The following RPL7 variants were observed in gnomAD, a reference collection of about 807,000 sequenced individuals.
RPL7 encodes the protein large ribosomal subunit protein uL30.
For missense variants in RPL7, 205 were observed against 301.9 expected (o/e 0.68, Z 2.38); for synonymous variants, 100 against 102.2 (o/e 0.98, Z 0.13).
At chr8:73,292,469 T>C in intron 2 of RPL7, 64 bp from the exon 3 acceptor site, 2 of 1,432,264 alleles carry the variant, frequency 1.4e-6, no homozygotes, top group Non-Finnish European at 1.9e-6. Context: ...TGCCAATCAT[T>C]AAAAAGAAAA....
rs768798846 is a variant in RPL7, at chr8:73,292,787, T to C, written c.25A>G (p.Lys9Glu). 2.1e-5 allele frequency: 34 copies of C among 1,596,844 alleles called. No individual in the cohort carries two copies. The highest frequency in any genetic ancestry group is 1.7e-4 in the Middle Eastern group (1 of 6,036). Reference sequence around the variant, plus strand: ...GTTTCTGGCACAGCAGGAACCTCCTTCTTCTTCTCTCTAACGTTAATAAAC... The same window carrying C: ...GTTTCTGGCACAGCAGGAACCTCCTCCTTCTTCTCTCTAACGTTAATAAAC... MEGVEEKK[K>E]EVPAVPETLK... The change falls in exon 2 of 7, where the codon AAG (lysine) becomes GAG (glutamate). Residue 9 changes from lysine to glutamate, a missense_variant. Transcript: ENST00000352983.
intron 1 of RPL7, chr8:73,293,268 G>A (rs947446336): frequency 2.8e-6 from 1 of 363,298 alleles, no homozygotes; most frequent in South Asian, 3.2e-5. Context: ...AGGGAGGCCT[G>A]TACCAAGCAC....
In RPL7 at chr8:73,290,403, GAAT is replaced by G. The variant is rs1393192311; in HGVS notation, c.*301_*303del. The G allele has an allele frequency of 6.6e-6, 1 of 152,104 alleles. No individual in the cohort carries two copies. The highest frequency in any genetic ancestry group is 1.5e-5 in the Non-Finnish European group (1 of 68,012). 9.4% of individuals were successfully genotyped at this position (152,104 alleles called of 1,614,324 possible). On this transcript the variant is annotated 3_prime_UTR_variant, in exon 7 of 7. Coordinates refer to ENST00000352983, the MANE Select transcript of RPL7 (RefSeq NM_000971.4). ...AATGCTTGTGAAACAGGCTTTCTTA[GAAT>G]AAACCCATTTCGAATCACTCAGCAC...
At position 73,290,382 on chromosome 8, in the gene RPL7, C is replaced by T. The variant is rs1814069323; in HGVS notation, c.*325G>A. 1 of 152,142 alleles carries T rather than the reference C, an allele frequency of 6.6e-6. No individual in the cohort carries two copies. The allele number at this position is 152,142 out of a possible 1,614,324, so 9.4% of individuals were successfully genotyped here. ...CTTACCGACAAATCATGTACAAATG[C>T]TTGTGAAACAGGCTTTCTTAGAATA... is the stretch of plus-strand genomic sequence containing the variant. On this transcript the variant is annotated 3_prime_UTR_variant, in exon 7 of 7. Transcript: ENST00000352983.
In RPL7 at chr8:73,293,633, G is replaced by A. The variant is rs373745163; in HGVS notation, c.-21C>T. The A allele has an allele frequency of 2.3e-4, 375 of 1,613,616 alleles. No individual in the cohort carries two copies. The highest frequency in any genetic ancestry group is 2.1e-3 in the South Asian group (195 of 90,976). Reference sequence around the variant, plus strand: ...TCCATGGTTCCAGCCGGAAAAAGAGGAAGTTGGCGCATGCGTACTGTCCAC... The same window carrying A: ...TCCATGGTTCCAGCCGGAAAAAGAGAAAGTTGGCGCATGCGTACTGTCCAC... On this transcript the variant is annotated 5_prime_UTR_variant, in exon 1 of 7. Transcript: ENST00000352983.
chr8:73,293,695 G>A, upstream of RPL7: 1 of 1,554,228 alleles, frequency 6.4e-7, no homozygotes, highest in Non-Finnish European at 8.8e-7. Context: ...CGACTCATAG[G>A]TGTCTTAGAA....
intron 6 of RPL7, 82 bp downstream of exon 6, chr8:73,290,961 T>C (rs978126381): frequency 3.8e-6 from 4 of 1,044,478 alleles, no homozygotes; most frequent in African/African-American, 3.2e-5. Context: ...CCCCCATCAA[T>C]ATTTAATGGG....
At chr8:73,293,645 T>A (rs541215357), upstream of RPL7, 3 of 1,613,152 alleles carry the variant, frequency 1.9e-6, no homozygotes, top group East Asian at 4.5e-5. Flanking sequence ...AGTTGGCGCA[T>A]GCGTACTGTC....
Position 73,291,133 on chromosome 8 carries a change from T to G in RPL7, c.658A>C (p.Met220Leu), listed in dbSNP as rs1308102000. The G allele has an allele frequency of 1.2e-6, 2 of 1,606,862 alleles. No individual in the cohort carries two copies. Among genetic ancestry groups the G allele is most frequent in the Non-Finnish European group, 1.7e-6 (2 of 1,174,062 alleles). ...ACAAAATGGGTGGTCTTTTTCTTCA[T>G]TCCACCTCGTGGAGAAGACAATTTG... Reference protein sequence around the residue: ...PFKLSSPRGGMKKKTTHFVEG... With the variant: ...PFKLSSPRGGLKKKTTHFVEG... Residue 220 changes from methionine (M) to leucine (L), a missense_variant, in exon 6 of 7, where the codon ATG becomes CTG. Transcript: ENST00000352983.
At chr8:73,291,292 A>C in intron 5 of RPL7, 40 bp from the exon 6 acceptor site, 1 of 1,486,606 alleles carries the variant, frequency 6.7e-7, no homozygotes, top group Admixed American at 1.9e-5. Flanking sequence ...TAAAGTTGCA[A>C]AAAGTTTTGA....
chr8:73,293,741 T>C (rs1384352776), upstream of RPL7: 6 of 1,161,564 alleles, frequency 5.2e-6, no homozygotes, highest in Non-Finnish European at 7.4e-6. Context: ...AAAAGCCGCC[T>C]TGCAGACGCA....
In RPL7 at chr8:73,291,766, G is replaced by A. The variant is rs902436725; in HGVS notation, c.428+7C>T. On this transcript the variant is annotated splice_region_variant and intron_variant, in intron 4 of 6. Transcript: ENST00000352983. ...CAAATAGAAATCAAAGGAGAAAAGA[G>A]ACTTACCCCCATGCAATATATGGCT... The A allele has an allele frequency of 7.5e-6, 12 of 1,600,318 alleles. No homozygotes were observed. In the African/African-American group the frequency reaches 1.3e-4, roughly 18 times the overall value.
At position 73,293,613 on chromosome 8, in the gene RPL7, G is replaced by C. The variant is rs746185508; in HGVS notation, c.-1C>G. 1.9e-6 allele frequency: 3 copies of C among 1,613,750 alleles called. No homozygotes were observed. The highest frequency in any genetic ancestry group is 2.5e-6 in the Non-Finnish European group (3 of 1,179,920). On this transcript the variant is annotated 5_prime_UTR_variant, in exon 1 of 7. Transcript: ENST00000352983. The stretch of plus-strand genomic sequence containing the variant: ...AAGCAACTCACTCTACACCCTCCAT[G>C]GTTCCAGCCGGAAAAAGAGGAAGTT...
chr8:73,291,305 T>A (rs1282925287), intron 5 of RPL7, 53 bp from the exon 6 acceptor site: 1 of 1,432,834 alleles, frequency 7.0e-7, no homozygotes, highest in African/African-American at 1.4e-5. Context: ...AGTTTTGAAA[T>A]AATTATTCAA....
chr8:73,291,028 G>C lies in RPL7; in HGVS notation c.*1+15C>G. The stretch of plus-strand genomic sequence containing the variant: ...CTAACATTAACTCAACCTTTCTCAG[G>C]ATGAGGTCTCTCACCTTAGTTCATT... On this transcript the variant is annotated intron_variant, in intron 6 of 6. Coordinates refer to ENST00000352983, the MANE Select transcript of RPL7 (RefSeq NM_000971.4). The C allele has an allele frequency of 6.3e-7, 1 of 1,592,180 alleles. No homozygotes were observed. Among genetic ancestry groups the C allele is most frequent in the Non-Finnish European group, 8.6e-7 (1 of 1,161,970 alleles).
At chr8:73,294,078 G>A (rs1814187910), upstream of RPL7, 1 of 160,978 alleles carries the variant, frequency 6.2e-6, no homozygotes. Context: ...AGCCTCTTGG[G>A]CCACGTTCCA....
At chr8:73,291,736 T>A in intron 4 of RPL7, 37 bp downstream of exon 4, 1 of 1,592,714 alleles carries the variant, frequency 6.3e-7, no homozygotes, top group Non-Finnish European at 8.6e-7. Flanking sequence ...ACATAACCAA[T>A]TTATCAAATA....
Position 73,293,620 on chromosome 8 carries a change from G to A in RPL7, c.-8C>T, listed in dbSNP as rs768038273. 4.3e-6 allele frequency: 7 copies of A among 1,613,826 alleles called. No homozygotes were observed. Among genetic ancestry groups the A allele is most frequent in the Admixed American group, 3.3e-5 (2 of 59,986 alleles). On this transcript the variant is annotated 5_prime_UTR_variant, in exon 1 of 7. Coordinates refer to ENST00000352983, the MANE Select transcript of RPL7 (RefSeq NM_000971.4). ...TCACTCTACACCCTCCATGGTTCCA[G>A]CCGGAAAAAGAGGAAGTTGGCGCAT...
chr8:73,291,150 G>A lies in RPL7; in HGVS notation c.641C>T (p.Ser214Phe). The change falls in exon 6 of 7, where the codon TCT (serine) becomes TTT (phenylalanine). Residue 214 changes from serine to phenylalanine, a missense_variant. Coordinates refer to ENST00000352983, the MANE Select transcript of RPL7 (RefSeq NM_000971.4). ...TTTCTTCATTCCACCTCGTGGAGAAGACAATTTGAAGGGCCACAGGAAGTT... is the reference window on the plus strand; with the variant it reads ...TTTCTTCATTCCACCTCGTGGAGAAAACAATTTGAAGGGCCACAGGAAGTT... ...ANNFLWPFKL[S>F]SPRGGMKKKT... 6.2e-7 allele frequency: 1 copy of A among 1,606,400 alleles called. No homozygotes were observed. Among genetic ancestry groups the A allele is most frequent in the Non-Finnish European group, 8.5e-7 (1 of 1,173,370 alleles).
Sources: gnomAD v4.1 joint callset for allele counts on GRCh38, gnomAD v4.1.1 for gene constraint, MANE v1.5 for transcripts, NCBI Gene and HGNC (gene_info 2026-07-23, HGNC 2026-07-21) for gene names.